SGMS2: variants seen among roughly 807,000 people sequenced by gnomAD.
SGMS2 encodes phosphatidylcholine:ceramide cholinephosphotransferase 2.
SGMS2 carries 21 observed loss-of-function variants against 43.8 expected under a neutral mutation model. The observed-to-expected ratio is 0.48, with a 90% confidence interval of 0.34 to 0.69. The LOEUF is 0.69. Among genes scored for constraint, SGMS2 ranks in the 30% least tolerant of loss-of-function variants. The probability of loss-of-function intolerance (pLI) is 0.01; values close to 1 mark genes in which losing one functional copy is unlikely to be tolerated. For synonymous variants in SGMS2, 167 were observed against 160.6 expected (o/e 1.04, Z -0.30); for missense variants, 384 against 443.2 (o/e 0.87, Z 1.20).
intron 2 of SGMS2, among the ~76,000 whole-genome samples, chr4:107,889,610 A>G (rs534223927): frequency 5.4e-4 from 82 of 152,320 alleles, no homozygotes; most frequent in African/African-American, 9.1e-4. Flanking sequence ...ATATAAATGC[A>G]TAGACATGTT....
chr4:107,883,197 C>A (rs1234084487), intron 2 of SGMS2, among the ~76,000 whole-genome samples: 1 of 152,200 alleles, frequency 6.6e-6, no homozygotes, highest in Non-Finnish European at 1.5e-5. Context: ...GCACCTTTTT[C>A]TGTAGCCATA....
In SGMS2 at chr4:107,895,606, G is replaced by A. The variant is rs762913325; in HGVS notation, c.53G>A (p.Ser18Asn). ...KLEEHLENQP[S>N]DPTNTYARPA... ...GAAGAACATTTGGAAAATCAACCCA[G>A]TGATCCTACGAACACTTATGCAAGA... is the stretch of plus-strand genomic sequence containing the variant. The change falls in exon 3 of 7, where the codon AGT becomes AAT. Residue 18 changes from serine (S) to asparagine (N), a missense_variant. Physicochemically the swap from Ser to Asn is conservative, Grantham distance 46. Transcript: ENST00000690982. The A allele has an allele frequency of 1.2e-6, 2 of 1,613,862 alleles. No homozygotes were observed. Among genetic ancestry groups the A allele is most frequent in the African/African-American group, 1.3e-5 (1 of 74,904 alleles).
At chr4:107,885,227 ATT>A (rs34938267) in intron 2 of SGMS2, among the ~76,000 whole-genome samples, 23 of 150,072 alleles carry the variant, frequency 1.5e-4, no homozygotes, top group South Asian at 1.3e-3. Flanking sequence ...GTTTTGTTAC[ATT>A]TTTTTTTTTA....
intron 2 of SGMS2, among the ~76,000 whole-genome samples, chr4:107,872,499 T>C (rs1244218369): frequency 6.6e-6 from 1 of 152,144 alleles, no homozygotes; most frequent in Non-Finnish European, 1.5e-5. Flanking sequence ...ACTCACTAAA[T>C]ATTATTGAAT....
chr4:107,840,897 A>G (rs771357119), intron 1 of SGMS2, among the ~76,000 whole-genome samples: 13 of 152,194 alleles, frequency 8.5e-5, no homozygotes, highest in Admixed American at 3.3e-4. Context: ...AGCAGAATCA[A>G]GGTTGGTGAA....
chr4:107,877,980 A>G (rs1729059346), intron 2 of SGMS2, among the ~76,000 whole-genome samples: 1 of 143,968 alleles, frequency 6.9e-6, no homozygotes, highest in Admixed American at 7.1e-5. Flanking sequence ...CAGTGGTGCA[A>G]TCTCGGCTCA....
intron 1 of SGMS2, among the ~76,000 whole-genome samples, chr4:107,858,009 C>T (rs1727516484): frequency 6.7e-6 from 1 of 149,130 alleles, no homozygotes; most frequent in Non-Finnish European, 1.5e-5. Context: ...GTAGCTGCCC[C>T]ACCCCCCCCA....
intron 1 of SGMS2, among the ~76,000 whole-genome samples, chr4:107,838,488 A>T (rs75375439): frequency 0.04 from 6,129 of 152,008 alleles, 415 homozygotes; most frequent in African/African-American, 0.14. Context: ...ATAATTGTGC[A>T]TTTACAGGAA....
chr4:107,893,546 A>C (rs1053526331), intron 2 of SGMS2: 1 of 152,252 alleles, frequency 6.6e-6, no homozygotes, highest in African/African-American at 2.4e-5. Context: ...ACATTGTGCC[A>C]AGACACTGTC....
chr4:107,828,313 C>T (rs1010498608), intron 1 of SGMS2, among the ~76,000 whole-genome samples: 3 of 152,104 alleles, frequency 2.0e-5, no homozygotes, highest in Non-Finnish European at 4.4e-5. Flanking sequence ...TCTTGTAATC[C>T]CCACTCCAAC....
intron 2 of SGMS2, chr4:107,863,816 T>C (rs1002007029): frequency 1.3e-5 from 2 of 152,194 alleles, no homozygotes; most frequent in African/African-American, 4.8e-5. Context: ...TTGGGCTCTG[T>C]GACATATATG....
intron 1 of SGMS2, among the ~76,000 whole-genome samples, chr4:107,850,931 ACTTT>A (rs1231282750): frequency 1.3e-5 from 2 of 152,052 alleles, no homozygotes. Flanking sequence ...CCCTCATTTC[ACTTT>A]CTTCTTCTCT....
chr4:107,863,858 T>A (rs918903685), intron 2 of SGMS2: 3 of 152,208 alleles, frequency 2.0e-5, no homozygotes, highest in African/African-American at 7.2e-5. Context: ...CATTAGTGAC[T>A]CATTTAGGAA....
chr4:107,827,320 G>A (rs1725648117), intron 1 of SGMS2, among the ~76,000 whole-genome samples: 1 of 152,092 alleles, frequency 6.6e-6, no homozygotes, highest in African/African-American at 2.4e-5. Flanking sequence ...CTGTGCTAGG[G>A]GCCAGCAATG....
chr4:107,868,590 C>T lies in SGMS2; in HGVS notation c.-245+10037C>T, dbSNP rs183254938. Among the ~76,000 whole-genome samples the T allele has an allele frequency of 5.9e-3, 896 of 152,038 alleles. 17 individuals are homozygous for T. Among genetic ancestry groups the T allele is most frequent in the Admixed American group, 0.05 (757 of 15,264 alleles). On this transcript the variant is annotated intron_variant, in intron 2 of 6. Transcript: ENST00000690982. ...AAAATCAGCTGGGCGTTGTGGTGGGCGCCTGTAATCCTAGCTACTCGGGAG... is the reference window on the plus strand; with the variant it reads ...AAAATCAGCTGGGCGTTGTGGTGGGTGCCTGTAATCCTAGCTACTCGGGAG...
At chr4:107,899,726 C>G (rs376803518) in intron 4 of SGMS2, 34 bp downstream of exon 4, 13 of 1,436,198 alleles carry the variant, frequency 9.1e-6, no homozygotes, top group Middle Eastern at 1.7e-4. Flanking sequence ...TAGAAGAAAT[C>G]AGGCAAACAG....
rs1732070243 is a variant in SGMS2, at chr4:107,910,866, C to T, written c.*313C>T. 1 of 231,240 alleles carries T rather than the reference C, an allele frequency of 4.3e-6. No homozygotes were observed. Among genetic ancestry groups the T allele is most frequent in the Non-Finnish European group, 8.5e-6 (1 of 118,308 alleles). 14.3% of individuals were successfully genotyped at this position (231,240 alleles called of 1,614,324 possible). On this transcript the variant is annotated 3_prime_UTR_variant, in exon 7 of 7. Transcript: ENST00000690982. ...TCTTTATTCTTTCTCCACCAAAACC[C>T]TCTACTTCAGAATTTTTTCAGGATA...
chr4:107,875,357 G>T (rs1463940519), intron 2 of SGMS2, among the ~76,000 whole-genome samples: 4 of 152,164 alleles, frequency 2.6e-5, no homozygotes, highest in African/African-American at 9.7e-5. Context: ...CCTGTGCAGG[G>T]ACATGGATGG....
chr4:107,843,616 A>G (rs556195107), intron 1 of SGMS2, among the ~76,000 whole-genome samples: 3 of 152,260 alleles, frequency 2.0e-5, no homozygotes, highest in Non-Finnish European at 4.4e-5. Context: ...TTCACCTGAA[A>G]AGGCTCAAAG....
Sources: allele counts gnomAD v4.1 joint callset (sites outside exome capture counted in the v4.1 genomes callset), GRCh38; gene constraint gnomAD v4.1.1; transcripts MANE v1.5; gene names NCBI Gene and HGNC (gene_info 2026-07-23, HGNC 2026-07-21).